The following KCNK5 variants were observed in gnomAD, a reference collection of about 807,000 sequenced individuals.
KCNK5 encodes potassium two pore domain channel subfamily K member 5.
In KCNK5, 18 loss-of-function variants were observed where a neutral mutation model predicts 32.9. The ratio of observed to expected loss-of-function variants is 0.55; its 90% CI spans 0.38 to 0.81. The LOEUF (loss-of-function observed/expected upper bound fraction) is 0.81, where lower values mean the gene tolerates loss of function less well. Ranked by LOEUF, KCNK5 falls within the 30% of genes least tolerant of loss-of-function variation. The pLI is 0.00. For synonymous variants in KCNK5, 276 were observed against 275.3 expected (o/e 1.00, Z -0.03); for missense variants, 507 against 651.0 (o/e 0.78, Z 2.41).
intron 1 of KCNK5, among the ~76,000 whole-genome samples, chr6:39,202,207 C>T (rs1771143268): frequency 6.6e-6 from 1 of 152,212 alleles, no homozygotes; most frequent in African/African-American, 2.4e-5. Context: ...AGGGTATATT[C>T]CCTGGCCTCA....
rs1771385492 is a variant in KCNK5, at chr6:39,213,967, A to G, written c.186+14959T>C. On this transcript the variant is annotated intron_variant, in intron 1 of 4. Coordinates refer to ENST00000359534, the MANE Select transcript of KCNK5 (RefSeq NM_003740.4). The stretch of plus-strand genomic sequence containing the variant: ...CGTGAACCCAGGAGGTGGAGGTTGC[A>G]GTGAGCCGAGATCGCACCACTGCAC... Among the ~76,000 whole-genome samples, 3 of 151,968 alleles carry G rather than the reference A, an allele frequency of 2.0e-5. No homozygotes were observed. In the South Asian group the frequency reaches 6.2e-4, roughly 32 times the overall value.
At position 39,191,016 on chromosome 6, in the gene KCNK5, G is replaced by A. The variant is rs772256393; in HGVS notation, c.1374C>T (p.Pro458=). Residue 458 remains proline, a synonymous_variant, in exon 5 of 5, where the codon CCC becomes CCT. Transcript: ENST00000359534. This position sits in a 1 kb window ranked among gnomAD's most constrained non-coding sequence, Gnocchi z 5.8. The stretch of plus-strand genomic sequence containing the variant: ...AGGAGGGGAACTCGCCCATGTTCAG[G>A]GGCGCCTTGGCTTCAGCCCCCTGCT... The part of the protein sequence containing the change: ...SPQQGAEAKA[P]LNMGEFPSSS... The A allele has an allele frequency of 2.5e-6, 4 of 1,597,176 alleles. No individual in the cohort carries two copies. The highest frequency in any genetic ancestry group is 3.4e-6 in the Non-Finnish European group (4 of 1,172,286).
At chr6:39,203,362 C>T (rs1018625077) in intron 1 of KCNK5, among the ~76,000 whole-genome samples, 1 of 152,220 alleles carries the variant, frequency 6.6e-6, no homozygotes, top group African/African-American at 2.4e-5. Flanking sequence ...CAGAGGGAAA[C>T]GGGCAAGCCC....
intron 1 of KCNK5, among the ~76,000 whole-genome samples, chr6:39,199,350 T>C (rs1312350630): frequency 2.0e-5 from 3 of 152,216 alleles, no homozygotes; most frequent in Non-Finnish European, 4.4e-5. Flanking sequence ...AGCTGGGCTT[T>C]CTACCCTTCA....
At chr6:39,221,627 G>A (rs1181030957) in intron 1 of KCNK5, among the ~76,000 whole-genome samples, 1 of 152,118 alleles carries the variant, frequency 6.6e-6, no homozygotes, top group Non-Finnish European at 1.5e-5. Flanking sequence ...TTCATCTCTC[G>A]CCCTGGTGCA....
At chr6:39,207,651 TG>T (rs907423255) in intron 1 of KCNK5, among the ~76,000 whole-genome samples, 2 of 88,460 alleles carry the variant, frequency 2.3e-5, no homozygotes, top group African/African-American at 8.5e-5. Flanking sequence ...GTGGCGGGGG[TG>T]GGGGGTAGGA....
At chr6:39,225,489 G>T (rs1771657216) in intron 1 of KCNK5, among the ~76,000 whole-genome samples, 1 of 152,224 alleles carries the variant, frequency 6.6e-6, no homozygotes, top group African/African-American at 2.4e-5. Context: ...AGAGGCAGAA[G>T]GTTGAGAAGG....
chr6:39,200,233 T>G (rs1233022740), intron 1 of KCNK5, among the ~76,000 whole-genome samples: 1 of 152,146 alleles, frequency 6.6e-6, no homozygotes, highest in Admixed American at 6.5e-5. Flanking sequence ...CGAGACAATA[T>G]TTTCATTTTC....
At chr6:39,218,064 A>C (rs1201972883) in intron 1 of KCNK5, among the ~76,000 whole-genome samples, 1 of 146,058 alleles carries the variant, frequency 6.8e-6, no homozygotes, top group African/African-American at 2.6e-5. Context: ...TTTTTGACTT[A>C]CAGGCCTTTT....
chr6:39,218,134 G>A (rs201961844), intron 1 of KCNK5, among the ~76,000 whole-genome samples: 17 of 149,242 alleles, frequency 1.1e-4, no homozygotes, highest in South Asian at 2.1e-4. Flanking sequence ...GTAGAGGCGC[G>A]ATTTTGGCTC....
At position 39,194,937 on chromosome 6, in the gene KCNK5, T is replaced by G. The variant is rs990183563; in HGVS notation, c.299-177A>C. Among the ~76,000 whole-genome samples the G allele has an allele frequency of 6.6e-6, 1 of 152,208 alleles. No individual in the cohort carries two copies. The highest frequency in any genetic ancestry group is 1.5e-5 in the Non-Finnish European group (1 of 68,044). ...ATCATGATCATTGATAAAGCAATTA[T>G]GATGACATGAGCTGTATCTCCTCCA... is the stretch of plus-strand genomic sequence containing the variant. On this transcript the variant is annotated intron_variant, in intron 2 of 4. Transcript: ENST00000359534. The surrounding 1 kb of genome is among the most constrained non-coding windows in gnomAD (Gnocchi z 4.7).
At chr6:39,200,771 C>T (rs1413132536) in intron 1 of KCNK5, among the ~76,000 whole-genome samples, 9 of 152,256 alleles carry the variant, frequency 5.9e-5, no homozygotes, top group Non-Finnish European at 1.2e-4. Context: ...ACCCCACCTT[C>T]CCAGGTGCTC....
intron 1 of KCNK5, among the ~76,000 whole-genome samples, chr6:39,208,363 C>T (rs920157065): frequency 1.3e-5 from 2 of 152,174 alleles, no homozygotes; most frequent in Non-Finnish European, 2.9e-5. Flanking sequence ...AACCGGGCCC[C>T]CAGGGAGCTC....
intron 1 of KCNK5, among the ~76,000 whole-genome samples, chr6:39,228,189 C>T (rs984327386): frequency 1.3e-5 from 2 of 152,160 alleles, no homozygotes; most frequent in Non-Finnish European, 2.9e-5. Context: ...ACCCCAATTC[C>T]GCACACACTC....
chr6:39,226,349 C>A (rs1001680627), intron 1 of KCNK5, among the ~76,000 whole-genome samples: 1 of 152,154 alleles, frequency 6.6e-6, no homozygotes, highest in African/African-American at 2.4e-5. Context: ...TGAAAGTCAG[C>A]CTGCACCTCA....
Position 39,194,581 on chromosome 6 carries a change from G to T in KCNK5, c.465+13C>A. The T allele has an allele frequency of 6.2e-7, 1 of 1,613,808 alleles. No individual in the cohort carries two copies. The highest frequency in any genetic ancestry group is 1.3e-5 in the African/African-American group (1 of 75,024). On this transcript the variant is annotated intron_variant, in intron 3 of 4. Coordinates refer to ENST00000359534, the MANE Select transcript of KCNK5 (RefSeq NM_003740.4). The surrounding 1 kb of genome is among the most constrained non-coding windows in gnomAD (Gnocchi z 4.7). ...CCCCCATCTCTGCCCAACACCCAGG[G>T]TAGGGGACATACCAGACTCACACCT...
chr6:39,214,869 C>T (rs1304091097), intron 1 of KCNK5, among the ~76,000 whole-genome samples: 1 of 152,230 alleles, frequency 6.6e-6, no homozygotes, highest in Non-Finnish European at 1.5e-5. Flanking sequence ...CCACTCAATT[C>T]ATAATATGCA....
intron 1 of KCNK5, among the ~76,000 whole-genome samples, chr6:39,198,221 A>G (rs2113781925): frequency 6.6e-6 from 1 of 152,372 alleles, no homozygotes; most frequent in Non-Finnish European, 1.5e-5. Context: ...AGACACAGAA[A>G]TGTCAGTGGA....
At chr6:39,215,968 T>A (rs1445508934) in intron 1 of KCNK5, among the ~76,000 whole-genome samples, 1 of 152,188 alleles carries the variant, frequency 6.6e-6, no homozygotes, top group East Asian at 1.9e-4. Context: ...CAGCCACTTA[T>A]ATAGCCAAAA....
Sources: allele counts gnomAD v4.1 joint callset (sites outside exome capture counted in the v4.1 genomes callset), GRCh38; gene constraint gnomAD v4.1.1; non-coding constraint Gnocchi (gnomAD v3.1); transcripts MANE v1.5; gene names NCBI Gene and HGNC (gene_info 2026-07-23, HGNC 2026-07-21).